Variants in RORA observed in about 807,000 individuals in gnomAD.
The protein encoded by RORA is nuclear receptor ROR-alpha.
A neutral mutation model predicts 69.5 loss-of-function variants in RORA; 7 were observed. The ratio of observed to expected loss-of-function variants is 0.10; its 90% CI spans 0.06 to 0.19. RORA has a LOEUF of 0.19. Among genes scored for constraint, RORA ranks in the 10% least tolerant of loss-of-function variants. RORA has a pLI of 1.00. For missense variants in RORA, 457 were observed against 663.0 expected (o/e 0.69, Z 3.41); for synonymous variants, 261 against 240.8 (o/e 1.08, Z -0.78).
chr15:61,072,950 T>C (rs1207640433), intron 1 of RORA, among the ~76,000 whole-genome samples: 2 of 152,068 alleles, frequency 1.3e-5, no homozygotes, highest in African/African-American at 4.8e-5. Flanking sequence ...TCCAATGGAG[T>C]TCCAGGAAAA....
chr15:60,516,203 AT>A (rs2141357239), intron 3 of RORA, among the ~76,000 whole-genome samples: 1 of 28,346 alleles, frequency 3.5e-5, no homozygotes, highest in African/African-American at 2.6e-4. Flanking sequence ...ATATTTATAT[AT>A]ATATTTATAT....
At chr15:60,783,717 G>A (rs1567189622) in intron 1 of RORA, among the ~76,000 whole-genome samples, 2 of 152,258 alleles carry the variant, frequency 1.3e-5, no homozygotes, top group South Asian at 2.1e-4. Flanking sequence ...GTGCTAAAAT[G>A]GGGCCCCACT....
chr15:60,654,014 A>T (rs1300012557), intron 2 of RORA, among the ~76,000 whole-genome samples: 1 of 152,168 alleles, frequency 6.6e-6, no homozygotes, highest in Admixed American at 6.5e-5. Context: ...AACACTTTAC[A>T]TGAAGAAGCA....
rs1199935892 is a variant in RORA, at chr15:61,067,113, TC to T, written c.166+161939del. Among the ~76,000 whole-genome samples the T allele has an allele frequency of 4.2e-3, 632 of 151,030 alleles. 3 individuals are homozygous for T. Among genetic ancestry groups the T allele is most frequent in the African/African-American group, 0.015 (606 of 41,228 alleles). On this transcript the variant is annotated intron_variant, in intron 1 of 10. Coordinates refer to ENST00000335670, the MANE Select transcript of RORA (RefSeq NM_134261.3). ...TGTATGCATTAGTCTAAACTTTTTT[TC>T]TTTTTTTTTTTTTTTGAGACAGAGT...
chr15:61,089,151 C>A (rs2078667946), intron 1 of RORA, among the ~76,000 whole-genome samples: 1 of 152,154 alleles, frequency 6.6e-6, no homozygotes, highest in Non-Finnish European at 1.5e-5. Flanking sequence ...TGAATCAGCA[C>A]CTCAAGCATA....
chr15:60,565,945 C>T (rs1031615036), intron 2 of RORA, among the ~76,000 whole-genome samples: 11 of 152,194 alleles, frequency 7.2e-5, no homozygotes, highest in Non-Finnish European at 1.3e-4. Context: ...CACCTACACT[C>T]TTGATGCTGG....
chr15:60,944,597 C>T (rs1409436275), intron 1 of RORA, among the ~76,000 whole-genome samples: 1 of 150,266 alleles, frequency 6.7e-6, no homozygotes, highest in Non-Finnish European at 1.5e-5. Context: ...TGGTGGCAAG[C>T]ATCTGTGATC....
At chr15:60,923,826 A>G (rs965284976) in intron 1 of RORA, among the ~76,000 whole-genome samples, 1 of 152,002 alleles carries the variant, frequency 6.6e-6, no homozygotes, top group African/African-American at 2.4e-5. Context: ...CTCCCCTCTA[A>G]CTCACCATAG....
At chr15:60,796,384 A>G (rs1334831691) in intron 1 of RORA, among the ~76,000 whole-genome samples, 2 of 152,234 alleles carry the variant, frequency 1.3e-5, no homozygotes, top group Non-Finnish European at 2.9e-5. Context: ...AGCCCATGGC[A>G]GTGACCAGGT....
chr15:60,706,896 A>G (rs1467853779), intron 1 of RORA, among the ~76,000 whole-genome samples: 1 of 152,242 alleles, frequency 6.6e-6, no homozygotes, highest in Non-Finnish European at 1.5e-5. Context: ...TCAAATTAAC[A>G]AACTAGTTGC....
intron 2 of RORA, among the ~76,000 whole-genome samples, chr15:60,671,931 A>G (rs2070479975): frequency 6.6e-6 from 1 of 151,846 alleles, no homozygotes; most frequent in South Asian, 2.1e-4. Context: ...CTGTCTCTAC[A>G]AAAAACTAAA....
chr15:60,849,600 G>C (rs1280986804), intron 1 of RORA, among the ~76,000 whole-genome samples: 1 of 152,156 alleles, frequency 6.6e-6, no homozygotes, highest in Non-Finnish European at 1.5e-5. Context: ...ACGAGTGGTG[G>C]GGCTTTAGGT....
intron 1 of RORA, among the ~76,000 whole-genome samples, chr15:60,683,212 A>C (rs868198252): frequency 6.6e-6 from 1 of 152,174 alleles, no homozygotes; most frequent in Middle Eastern, 3.4e-3. Flanking sequence ...GGGTCTTGCC[A>C]TGTTGTTCAG....
At chr15:60,600,147 A>AT (rs1171769080) in intron 2 of RORA, among the ~76,000 whole-genome samples, 31 of 152,344 alleles carry the variant, frequency 2.0e-4, no homozygotes, top group African/African-American at 7.5e-4. Flanking sequence ...CTATCTTAAA[A>AT]ATATATTTTC....
Position 61,213,845 on chromosome 15 carries a change from T to C in RORA, c.166+15208A>G, listed in dbSNP as rs1417290908. 6.6e-6 allele frequency: 1 copy of C among 152,248 alleles called. No individual in the cohort carries two copies. Among genetic ancestry groups the C allele is most frequent in the Non-Finnish European group, 1.5e-5 (1 of 68,038 alleles). The allele number at this position is 152,248 out of a possible 1,614,324, so 9.4% of individuals were successfully genotyped here. A position where few individuals can be genotyped will look rare whatever the true frequency, so the allele number is the denominator to read the frequency against. ...ATAGTAAGTGCACAAGAATATTTGATGGATCAATGCAAGGAGGCGATATAT... is the reference window on the plus strand; with the variant it reads ...ATAGTAAGTGCACAAGAATATTTGACGGATCAATGCAAGGAGGCGATATAT... On this transcript the variant is annotated intron_variant, in intron 1 of 10. Transcript: ENST00000335670. The surrounding 1 kb of genome is among the most constrained non-coding windows in gnomAD (Gnocchi z 4.1).
chr15:60,958,144 T>C (rs1332964829), intron 1 of RORA, among the ~76,000 whole-genome samples: 1 of 152,206 alleles, frequency 6.6e-6, no homozygotes, highest in Non-Finnish European at 1.5e-5. Context: ...TGGGCAAAAG[T>C]TCATATCTCA....
chr15:61,055,750 T>G (rs1218905120), intron 1 of RORA, among the ~76,000 whole-genome samples: 1 of 152,244 alleles, frequency 6.6e-6, no homozygotes, highest in African/African-American at 2.4e-5. Flanking sequence ...GTGAAAAGTG[T>G]AGAATGGCAT....
intron 1 of RORA, among the ~76,000 whole-genome samples, chr15:61,194,668 T>A (rs530074786): frequency 1.3e-5 from 2 of 152,322 alleles, no homozygotes; most frequent in Admixed American, 1.3e-4. Context: ...TATTTTTGAA[T>A]GCAACATTGT....
intron 2 of RORA, among the ~76,000 whole-genome samples, chr15:60,579,363 A>G (rs1047397429): frequency 6.6e-6 from 1 of 152,158 alleles, no homozygotes; most frequent in African/African-American, 2.4e-5. Flanking sequence ...CTATAAATCC[A>G]AACGCTCTCT....
Sources: allele counts gnomAD v4.1 joint callset (sites outside exome capture counted in the v4.1 genomes callset), GRCh38; gene constraint gnomAD v4.1.1; non-coding constraint Gnocchi (gnomAD v3.1); transcripts MANE v1.5; gene names NCBI Gene and HGNC (gene_info 2026-07-23, HGNC 2026-07-21).